Variants in KIAA0825 observed in about 807,000 individuals in gnomAD.
KIAA0825 encodes the protein uncharacterized protein KIAA0825.
In KIAA0825, 119 loss-of-function variants were observed where a neutral mutation model predicts 147.6. That is an observed-to-expected ratio of 0.81 (90% CI 0.69 to 0.94). The LOEUF (loss-of-function observed/expected upper bound fraction) is 0.94. Ranked by LOEUF, KIAA0825 falls within the 40% of genes least tolerant of loss-of-function variation. The pLI, the probability that KIAA0825 is intolerant of heterozygous loss-of-function variation, is 0.00. For missense variants in KIAA0825, 1,381 were observed against 1,472.7 expected, an observed-to-expected ratio of 0.94 and a Z score of 1.02; for synonymous variants, 470 against 518.1, an observed-to-expected ratio of 0.91 and a Z score of 1.26.
chr5:94,302,159 A>G (rs1202816398), intron 20 of KIAA0825, among the ~76,000 whole-genome samples: 3 of 152,138 alleles, frequency 2.0e-5, no homozygotes, highest in Admixed American at 2.0e-4. Flanking sequence ...CAAAGATGAC[A>G]GTCCAAATAC....
intron 6 of KIAA0825, among the ~76,000 whole-genome samples, chr5:94,484,525 G>T (rs1326055014): frequency 6.6e-6 from 1 of 151,706 alleles, no homozygotes; most frequent in African/African-American, 2.4e-5. Context: ...CCTAATTTTA[G>T]CTAAAAATCA....
At chr5:94,434,510 C>T (rs184694816) in intron 14 of KIAA0825, among the ~76,000 whole-genome samples, 22 of 152,298 alleles carry the variant, frequency 1.4e-4, no homozygotes, top group East Asian at 3.9e-4. Context: ...ATCACTTTCA[C>T]GATGCAATAA....
At chr5:94,515,586 G>A (rs747722173) in intron 5 of KIAA0825, among the ~76,000 whole-genome samples, 2 of 152,086 alleles carry the variant, frequency 1.3e-5, no homozygotes, top group Non-Finnish European at 2.9e-5. Context: ...GAGGTAAGGA[G>A]TTTGAGACCA....
chr5:94,336,422 C>T (rs1584160740), intron 20 of KIAA0825, among the ~76,000 whole-genome samples: 1 of 150,846 alleles, frequency 6.6e-6, no homozygotes, highest in East Asian at 1.9e-4. Context: ...CCCCCCACCC[C>T]CCAAACAGGC....
chr5:94,560,582 C>T (rs1350370907), intron 2 of KIAA0825, among the ~76,000 whole-genome samples: 2 of 152,130 alleles, frequency 1.3e-5, no homozygotes, highest in Non-Finnish European at 2.9e-5. Context: ...TCCACAAATC[C>T]TAAAATATTT....
chr5:94,457,849 T>G (rs908580283), intron 12 of KIAA0825, among the ~76,000 whole-genome samples: 7 of 152,274 alleles, frequency 4.6e-5, no homozygotes, highest in African/African-American at 1.4e-4. Flanking sequence ...GGAATAAACC[T>G]CCATGACTAA....
chr5:94,242,190 G>A (rs916883911), intron 20 of KIAA0825, among the ~76,000 whole-genome samples: 2 of 152,092 alleles, frequency 1.3e-5, no homozygotes, highest in African/African-American at 2.4e-5. Context: ...CAAAGTATAC[G>A]GTTGCCATTT....
Position 94,152,851 on chromosome 5 carries a change from A to T in KIAA0825, c.*1156T>A, listed in dbSNP as rs1766635247. ...AAAAAAAAAAAAAAAAAAAAAAAAA[A>T]AAAATTATATATATATATATATATA... On this transcript the variant is annotated 3_prime_UTR_variant, in exon 21 of 21. Coordinates refer to ENST00000682413, the MANE Select transcript of KIAA0825 (RefSeq NM_001145678.3). 4 of 17,560 alleles carry T rather than the reference A, an allele frequency of 2.3e-4. No homozygotes were observed. Among genetic ancestry groups the T allele is most frequent in the Non-Finnish European group, 3.5e-4 (3 of 8,502 alleles). The allele number at this position is 17,560 out of a possible 1,614,324, so 1.1% of individuals were successfully genotyped here.
At chr5:94,212,457 T>C (rs1242893402) in intron 20 of KIAA0825, among the ~76,000 whole-genome samples, 3 of 152,186 alleles carry the variant, frequency 2.0e-5, no homozygotes, top group Non-Finnish European at 4.4e-5. Flanking sequence ...ATTTTTCCCT[T>C]GCTTTTAAGC....
At chr5:94,462,650 T>C (rs1283367936) in intron 11 of KIAA0825, 81 bp from the exon 12 acceptor site, 2 of 705,530 alleles carry the variant, frequency 2.8e-6, no homozygotes, top group Non-Finnish European at 4.5e-6. Context: ...ATATCTCTTG[T>C]ACTAAGCATA....
chr5:94,254,331 A>G (rs1392148649), intron 20 of KIAA0825, among the ~76,000 whole-genome samples: 1 of 152,204 alleles, frequency 6.6e-6, no homozygotes, highest in Non-Finnish European at 1.5e-5. Context: ...AATGAGACCT[A>G]CGTCATTGGT....
At chr5:94,411,757 G>A (rs902173563) in intron 15 of KIAA0825, among the ~76,000 whole-genome samples, 2 of 151,978 alleles carry the variant, frequency 1.3e-5, no homozygotes, top group Non-Finnish European at 2.9e-5. Context: ...GACCAGCCTG[G>A]CCAACATAGT....
intron 20 of KIAA0825, among the ~76,000 whole-genome samples, chr5:94,242,259 C>T (rs1256687302): frequency 6.6e-6 from 1 of 152,156 alleles, no homozygotes; most frequent in African/African-American, 2.4e-5. Context: ...TTTCCAAAAT[C>T]CCAATTAGTT....
intron 20 of KIAA0825, among the ~76,000 whole-genome samples, chr5:94,223,672 CAGA>C (rs1373371045): frequency 6.6e-6 from 1 of 152,106 alleles, no homozygotes; most frequent in African/African-American, 2.4e-5. Flanking sequence ...TCTGGTGATC[CAGA>C]AGGTGTTATA....
At chr5:94,359,093 G>A (rs940132840) in intron 20 of KIAA0825, among the ~76,000 whole-genome samples, 1 of 152,140 alleles carries the variant, frequency 6.6e-6, no homozygotes, top group African/African-American at 2.4e-5. Context: ...CAATGACTAA[G>A]CATTCACAAA....
At chr5:94,609,512 A>G (rs535611653) in intron 1 of KIAA0825, among the ~76,000 whole-genome samples, 33 of 152,270 alleles carry the variant, frequency 2.2e-4, no homozygotes, top group Non-Finnish European at 2.2e-4. Flanking sequence ...TAAGAGTATA[A>G]AAGAGGTCTT....
At chr5:94,545,108 GA>G (rs1196196496) in intron 2 of KIAA0825, among the ~76,000 whole-genome samples, 2 of 152,172 alleles carry the variant, frequency 1.3e-5, no homozygotes, top group Non-Finnish European at 2.9e-5. Flanking sequence ...TGTCACAGTG[GA>G]GAGCAAAGCT....
chr5:94,218,527 C>G (rs529672145), intron 20 of KIAA0825, among the ~76,000 whole-genome samples: 2 of 152,282 alleles, frequency 1.3e-5, no homozygotes, highest in Non-Finnish European at 2.9e-5. Context: ...TTTTATTTCC[C>G]TGCTTTGGAA....
chr5:94,218,673 T>C (rs150909437), intron 20 of KIAA0825, among the ~76,000 whole-genome samples: 11 of 152,296 alleles, frequency 7.2e-5, no homozygotes, highest in Non-Finnish European at 1.3e-4. Flanking sequence ...TATGATTAAA[T>C]TGGAGTGCCT....
Sources: gnomAD v4.1 joint callset for allele counts (sites outside exome capture counted in the v4.1 genomes callset) on GRCh38, gnomAD v4.1.1 for gene constraint, MANE v1.5 for transcripts, NCBI Gene and HGNC (gene_info 2026-07-23, HGNC 2026-07-21) for gene names.